Variants in ZNF618 observed in about 807,000 individuals in gnomAD.
ZNF618 encodes zinc finger protein 618, also known as neural precursor cell expressed, developmentally down-regulated 10.
A neutral mutation model predicts 103.0 loss-of-function variants in ZNF618; 34 were observed. The observed-to-expected ratio is 0.33, with a 90% confidence interval of 0.25 to 0.44. The LOEUF (loss-of-function observed/expected upper bound fraction) is 0.44. ZNF618 is among the 20% of genes least tolerant of loss of function. The probability of loss-of-function intolerance (pLI) is 1.00; values close to 1 mark genes in which losing one functional copy is unlikely to be tolerated. For missense variants in ZNF618, 1,059 were observed against 1,295.4 expected (o/e 0.82, Z 2.80); for synonymous variants, 551 against 542.2 (o/e 1.02, Z -0.23).
chr9:113,898,744 A>T (rs1039297462), intron 1 of ZNF618, among the ~76,000 whole-genome samples: 22 of 152,174 alleles, frequency 1.4e-4, no homozygotes, highest in Admixed American at 1.1e-3. Flanking sequence ...TAGATGTTAC[A>T]CATTTATAGA....
chr9:114,040,791 A>G (rs1845098810), intron 13 of ZNF618, among the ~76,000 whole-genome samples: 1 of 152,206 alleles, frequency 6.6e-6, no homozygotes, highest in African/African-American at 2.4e-5. Context: ...CAATAAACAT[A>G]CGTGTGCATG....
intron 10 of ZNF618, among the ~76,000 whole-genome samples, chr9:114,025,731 A>G (rs900036064): frequency 1.3e-5 from 2 of 151,920 alleles, no homozygotes; most frequent in Admixed American, 1.3e-4. Flanking sequence ...TCTGCCTTAT[A>G]CCTTTGGGAC....
intron 12 of ZNF618, 145 bp from the exon 13 acceptor site, chr9:114,036,155 G>C (rs1490621660): frequency 4.4e-6 from 3 of 677,834 alleles, no homozygotes; most frequent in Non-Finnish European, 7.8e-6. Context: ...CTAGTGACGG[G>C]GGAGGCAGGC....
chr9:114,031,704 C>T (rs1396141250), intron 11 of ZNF618, among the ~76,000 whole-genome samples: 5 of 152,258 alleles, frequency 3.3e-5, no homozygotes, highest in Non-Finnish European at 7.4e-5. Context: ...GGTCTGTTTG[C>T]GGGCAGACTT....
At chr9:113,877,013 T>C (rs1828019788) in intron 1 of ZNF618, among the ~76,000 whole-genome samples, 1 of 152,024 alleles carries the variant, frequency 6.6e-6, no homozygotes, top group Non-Finnish European at 1.5e-5. Flanking sequence ...AAAAGAAATA[T>C]TTTTTATTTC....
At chr9:113,879,941 G>A (rs527671743) in intron 1 of ZNF618, among the ~76,000 whole-genome samples, 2 of 152,164 alleles carry the variant, frequency 1.3e-5, no homozygotes, top group Non-Finnish European at 2.9e-5. Flanking sequence ...CAGAACGAAA[G>A]CAACAAAGAT....
chr9:113,926,976 G>A (rs1022691203), intron 1 of ZNF618, among the ~76,000 whole-genome samples: 5 of 152,160 alleles, frequency 3.3e-5, no homozygotes, highest in Non-Finnish European at 5.9e-5. Context: ...TCGCACCCCT[G>A]CACTCCAGCC....
intron 10 of ZNF618, among the ~76,000 whole-genome samples, chr9:114,021,661 C>T (rs151216580): frequency 1.5e-3 from 222 of 152,148 alleles, no homozygotes; most frequent in African/African-American, 4.8e-3. Flanking sequence ...ACCCATGAAA[C>T]GGTCACCACA....
At chr9:113,891,687 C>T (rs1219870366) in intron 1 of ZNF618, among the ~76,000 whole-genome samples, 4 of 152,210 alleles carry the variant, frequency 2.6e-5, no homozygotes, top group Admixed American at 6.5e-5. Context: ...ATTTGCAATA[C>T]CCAAAGGTGG....
intron 10 of ZNF618, among the ~76,000 whole-genome samples, chr9:114,027,163 C>T (rs1000951578): frequency 6.6e-6 from 1 of 152,176 alleles, no homozygotes. Flanking sequence ...GACTCAGGGG[C>T]CTCTGAGGCC....
intron 2 of ZNF618, among the ~76,000 whole-genome samples, chr9:113,985,836 A>G (rs1839425348): frequency 1.3e-5 from 2 of 152,346 alleles, no homozygotes; most frequent in South Asian, 4.1e-4. Context: ...AAGTGGAGCT[A>G]ATACCAAGAT....
intron 10 of ZNF618, among the ~76,000 whole-genome samples, chr9:114,023,703 T>G (rs1195210399): frequency 6.6e-6 from 1 of 152,114 alleles, no homozygotes; most frequent in African/African-American, 2.4e-5. Flanking sequence ...TTTCACATAT[T>G]TTTTTGAAGG....
intron 1 of ZNF618, among the ~76,000 whole-genome samples, chr9:113,931,795 T>C (rs1344365085): frequency 1.3e-5 from 2 of 152,352 alleles, no homozygotes; most frequent in South Asian, 2.1e-4. Context: ...GTTTAAAAAA[T>C]ACAATAGTAA....
At chr9:113,965,701 A>G (rs1182358823) in intron 1 of ZNF618, among the ~76,000 whole-genome samples, 2 of 152,136 alleles carry the variant, frequency 1.3e-5, no homozygotes, top group African/African-American at 2.4e-5. Flanking sequence ...GGTGCAGAGA[A>G]AGGAACGAGC....
intron 11 of ZNF618, among the ~76,000 whole-genome samples, chr9:114,030,448 G>A (rs868399710): frequency 6.6e-6 from 1 of 152,190 alleles, no homozygotes; most frequent in Non-Finnish European, 1.5e-5. Context: ...GCACTTTGTG[G>A]CTGGGAGTTT....
At chr9:114,040,947 A>G (rs1316734521) in intron 13 of ZNF618, among the ~76,000 whole-genome samples, 3 of 152,324 alleles carry the variant, frequency 2.0e-5, no homozygotes, top group Admixed American at 2.0e-4. Context: ...AGTCCCACCA[A>G]CAGTGTAAAA....
At chr9:113,942,421 T>C (rs1164839950) in intron 1 of ZNF618, among the ~76,000 whole-genome samples, 5 of 152,130 alleles carry the variant, frequency 3.3e-5, no homozygotes, top group Non-Finnish European at 7.4e-5. Context: ...AAGAAGCTTT[T>C]ACTTTGCCAT....
chr9:113,911,338 GT>G (rs1162340103), intron 1 of ZNF618, among the ~76,000 whole-genome samples: 1 of 151,860 alleles, frequency 6.6e-6, no homozygotes, highest in Non-Finnish European at 1.5e-5. Flanking sequence ...TTTTTGTTTT[GT>G]TTTTTTGAGA....
intron 6 of ZNF618, among the ~76,000 whole-genome samples, chr9:114,006,113 A>G (rs1841732270): frequency 6.6e-6 from 1 of 152,170 alleles, no homozygotes; most frequent in African/African-American, 2.4e-5. Context: ...TTGTGTCCCT[A>G]AGTTCAGAAG....
Sources: allele counts gnomAD v4.1 joint callset (sites outside exome capture counted in the v4.1 genomes callset), GRCh38; gene constraint gnomAD v4.1.1; transcripts MANE v1.5; gene names NCBI Gene and HGNC (gene_info 2026-07-23, HGNC 2026-07-21).